Variants in PHKG1 observed in about 807,000 individuals in gnomAD.
PHKG1 encodes the protein phosphorylase kinase catalytic subunit gamma 1.
In PHKG1, 48 loss-of-function variants were observed where a neutral mutation model predicts 50.5. That is an observed-to-expected ratio of 0.95 (90% CI 0.75 to 1.21). The LOEUF (loss-of-function observed/expected upper bound fraction) is 1.21, where lower values mean the gene tolerates loss of function less well. Among genes scored for constraint, PHKG1 ranks in the 50% most tolerant of loss-of-function variants. The probability of loss-of-function intolerance (pLI) is 0.00; values close to 1 mark genes in which losing one functional copy is unlikely to be tolerated. For missense variants in PHKG1, 487 were observed against 519.5 expected (o/e 0.94, Z 0.61); for synonymous variants, 204 against 212.8 (o/e 0.96, Z 0.36).
rs777027596 is a variant in PHKG1 at position 56,081,714 on chromosome 7, T to C, written c.834A>G (p.Thr278=). The C allele has an allele frequency of 6.2e-7, 1 of 1,613,874 alleles. No homozygotes were observed. The highest frequency in any genetic ancestry group is 8.5e-7 in the Non-Finnish European group (1 of 1,179,918). The change falls in exon 9 of 10, where the codon ACA becomes ACG. Residue 278 remains threonine, a synonymous_variant. Transcript: ENST00000297373. The surrounding 1 kb of genome is among the most constrained non-coding windows in gnomAD (Gnocchi z 4.6). ...FLVVQPQNRY[T]AEEALAHPFF... The stretch of plus-strand genomic sequence containing the variant: ...AGGGGTGTGCCAAGGCCTCTTCCGC[T>C]GTGTAGCGGTTCTGGGGTTGCACCA...
At chr7:56,082,380 G>A (rs1302322454) in intron 6 of PHKG1, 127 bp from the exon 7 acceptor site, 2 of 664,636 alleles carry the variant, frequency 3.0e-6, no homozygotes, top group Non-Finnish European at 5.1e-6. Flanking sequence ...CTCATCTGAG[G>A]CCAGGAGTTC....
Position 56,081,293 on chromosome 7 carries a change from C to A in PHKG1, c.925G>T (p.Ala309Ser), listed in dbSNP as rs148231327. The change falls in exon 10 of 10, where the codon GCT becomes TCT. Residue 309 changes from alanine (A) to serine (S), a missense_variant. By Grantham distance (99) the Ala-to-Ser change is moderately conservative. Coordinates refer to ENST00000297373, the MANE Select transcript of PHKG1 (RefSeq NM_006213.5). This position sits in a 1 kb window ranked among gnomAD's most constrained non-coding sequence, Gnocchi z 4.6. ...CGCACTGAAGCCAGCACGGTCAGAG[C>A]GATCACCTGCAGGGCCAGGCGGAGA... is the stretch of plus-strand genomic sequence containing the variant. ...FSPRGKFKVI[A>S]LTVLASVRIY... 1.2e-6 allele frequency: 2 copies of A among 1,607,982 alleles called. No homozygotes were observed. Among genetic ancestry groups the A allele is most frequent in the Non-Finnish European group, 1.7e-6 (2 of 1,179,456 alleles).
chr7:56,087,841 G>A, intron 2 of PHKG1, 65 bp from the exon 3 acceptor site: 1 of 1,326,868 alleles, frequency 7.5e-7, no homozygotes, highest in South Asian at 1.2e-5. Flanking sequence ...CCAGATTAGA[G>A]GCTGCAGCAG....
intron 1 of PHKG1, among the ~76,000 whole-genome samples, chr7:56,091,611 C>T (rs978048975): frequency 6.6e-6 from 1 of 152,176 alleles, no homozygotes; most frequent in Non-Finnish European, 1.5e-5. Context: ...ATAGGCCCAA[C>T]CTGCCACTCA....
Position 56,080,903 on chromosome 7 carries a change from G to C in PHKG1, c.*151C>G. On this transcript the variant is annotated 3_prime_UTR_variant, in exon 10 of 10. Coordinates refer to ENST00000297373, the MANE Select transcript of PHKG1 (RefSeq NM_006213.5). ...CCCACTTCCCTTGTGCACAGCCTTT[G>C]AGAGGGGATCGTGGCCTCAGTTCCA... 1 of 863,384 alleles carries C rather than the reference G, an allele frequency of 1.2e-6. No homozygotes were observed. Among genetic ancestry groups the C allele is most frequent in the East Asian group, 2.7e-5 (1 of 37,608 alleles). The allele number at this position is 863,384 out of a possible 1,614,324, so 53.5% of individuals were successfully genotyped here. A position where few individuals can be genotyped will look rare whatever the true frequency, so the allele number is the denominator to read the frequency against.
chr7:56,087,224 ATT>A (rs1796294455), intron 3 of PHKG1, among the ~76,000 whole-genome samples, 200 bp from the exon 4 acceptor site: 1 of 147,708 alleles, frequency 6.8e-6, no homozygotes, highest in Admixed American at 6.8e-5. Flanking sequence ...TATTATTATT[ATT>A]ATTATTATTA....
chr7:56,087,266 G>C (rs1261754650), intron 3 of PHKG1, among the ~76,000 whole-genome samples: 1 of 150,552 alleles, frequency 6.6e-6, no homozygotes, highest in Non-Finnish European at 1.5e-5. Flanking sequence ...GTCTCACCCA[G>C]GCTGGAGTGT....
rs1206377809 is a variant in PHKG1, at chr7:56,082,022, G to T, written c.663C>A (p.Tyr221Ter). ...VDMWSTGVIMYTLLAGSPPFW... is the reference protein window; with the variant it reads ...VDMWSTGVIM ...AGGGCGGGGAGCCGGCCAGCAGCGT[G>T]TACATGATGACGCCAGTGCTCCACC... The change falls in exon 8 of 10, where the codon TAC (tyrosine) becomes TAA (stop). Residue 221 changes from tyrosine to a stop codon, truncating the protein, a stop_gained. Coordinates refer to ENST00000297373, the MANE Select transcript of PHKG1 (RefSeq NM_006213.5). LOFTEE classifies it high-confidence loss of function. 1 of 1,613,774 alleles carries T rather than the reference G, an allele frequency of 6.2e-7. No individual in the cohort carries two copies. The highest frequency in any genetic ancestry group is 8.5e-7 in the Non-Finnish European group (1 of 1,179,794).
Position 56,081,905 on chromosome 7 carries a change from G to A in PHKG1, c.780C>T (p.Thr260=), listed in dbSNP as rs1317783666. 1.2e-6 allele frequency: 2 copies of A among 1,613,454 alleles called. No homozygotes were observed. Among genetic ancestry groups the A allele is most frequent in the South Asian group, 1.1e-5 (1 of 91,050 alleles). Residue 260 remains threonine, a synonymous_variant, in exon 8 of 10, where the codon ACC becomes ACT. Transcript: ENST00000297373. This position sits in a 1 kb window ranked among gnomAD's most constrained non-coding sequence, Gnocchi z 4.6. ...CCTGGCCTCTCACCAGGTCCTTCAC[G>A]GTGTCCGAGTAATCATCCCACTCGG... The part of the protein sequence containing the change: ...GSPEWDDYSD[T]VKDLVSRFLV...
intron 4 of PHKG1, 143 bp from the exon 5 acceptor site, chr7:56,083,858 G>T: frequency 1.5e-6 from 1 of 668,540 alleles, no homozygotes. Context: ...CTGGGGAGAG[G>T]AGCCGGGGAA....
In PHKG1 at chr7:56,083,689, T is replaced by C. The variant is rs769138362; in HGVS notation, c.344A>G (p.Tyr115Cys). ...ACTCAAGGTGACCTTCTCAGTGAGG[T>C]AGTCAAAGAGCTCCCCTCTCTTCAT... ...DLMKRGELFD[Y>C]LTEKVTLSEK... The change falls in exon 5 of 10, where the codon TAC (tyrosine) becomes TGC (cysteine). Residue 115 changes from tyrosine (Y) to cysteine (C), a missense_variant. Coordinates refer to ENST00000297373, the MANE Select transcript of PHKG1 (RefSeq NM_006213.5). 5.0e-6 allele frequency: 8 copies of C among 1,584,322 alleles called. No individual in the cohort carries two copies. The highest frequency in any genetic ancestry group is 3.5e-5 in the Admixed American group (2 of 56,738).
In PHKG1 at chr7:56,082,784, T is replaced by C. The variant is rs564178560; in HGVS notation, c.547+494A>G. On this transcript the variant is annotated intron_variant, in intron 6 of 9. Coordinates refer to ENST00000297373, the MANE Select transcript of PHKG1 (RefSeq NM_006213.5). ...CCATCCTGGCCTGGAACAAGGGTAA[T>C]GGGAACCTGGGAGAGGACTTACCTG... 1.2e-4 allele frequency among the ~76,000 whole-genome samples: 19 copies of C among 152,046 alleles called. 2 individuals carry two copies. The South Asian group carries it at 2.7e-3, about 22-fold the overall frequency.
Position 56,081,061 on chromosome 7 carries a change from T to C in PHKG1, c.1157A>G (p.Asp386Gly). 1 of 1,612,194 alleles carries C rather than the reference T, an allele frequency of 6.2e-7. No homozygotes were observed. The highest frequency in any genetic ancestry group is 8.5e-7 in the Non-Finnish European group (1 of 1,179,834). The change falls in exon 10 of 10, where the codon GAC becomes GGC. Residue 386 changes from aspartate to glycine, a missense_variant. Coordinates refer to ENST00000297373, the MANE Select transcript of PHKG1 (RefSeq NM_006213.5). This position sits in a 1 kb window ranked among gnomAD's most constrained non-coding sequence, Gnocchi z 4.6. ...KAVLLSLAEEDY is the reference protein window; with the variant it reads ...KAVLLSLAEEGY The stretch of plus-strand genomic sequence containing the variant: ...CCCTGACTGGCCAGCCCCTCAGTAG[T>C]CCTCCTCGGCCAGGGAGAGGAGCAC...
chr7:56,088,888 C>A lies in PHKG1; in HGVS notation c.54G>T (p.Glu18Asp), dbSNP rs1041542802. Residue 18 changes from glutamate (E) to aspartate (D), a missense_variant, in exon 2 of 10, where the codon GAG becomes GAT. Glu to Asp is a conservative substitution (Grantham distance 45). Coordinates refer to ENST00000297373, the MANE Select transcript of PHKG1 (RefSeq NM_006213.5). Reference sequence around the variant, plus strand: ...CCAGGATCTCTTTGGGCTCATAATTCTCATAGAAGTCCTGTGCAGAATGAG... The same window carrying A: ...CCAGGATCTCTTTGGGCTCATAATTATCATAGAAGTCCTGTGCAGAATGAG... Reference protein sequence around the residue: ...PDSHSAQDFYENYEPKEILGR... With the variant: ...PDSHSAQDFYDNYEPKEILGR... 1.2e-6 allele frequency: 2 copies of A among 1,613,718 alleles called. No homozygotes were observed. The highest frequency in any genetic ancestry group is 2.2e-5 in the East Asian group (1 of 44,864).
intron 2 of PHKG1, among the ~76,000 whole-genome samples, chr7:56,088,245 G>A (rs541579433): frequency 3.6e-4 from 54 of 151,956 alleles, no homozygotes; most frequent in African/African-American, 1.3e-3. Flanking sequence ...ATGTTGGCCA[G>A]GCTGGTCTCA....
chr7:56,083,761 A>G (rs775480535), intron 4 of PHKG1, 46 bp from the exon 5 acceptor site: 3 of 1,308,754 alleles, frequency 2.3e-6, no homozygotes, highest in South Asian at 1.3e-5. Context: ...CAAGACCACC[A>G]CTGCCCTTAC....
chr7:56,090,470 T>C (rs548779563), intron 1 of PHKG1, among the ~76,000 whole-genome samples: 1 of 152,264 alleles, frequency 6.6e-6, no homozygotes, highest in African/African-American at 2.4e-5. Flanking sequence ...CACTCACTCA[T>C]TCATTACATC....
chr7:56,081,989 G>A lies in PHKG1; in HGVS notation c.696C>T (p.His232=). Residue 232 remains histidine, a synonymous_variant, in exon 8 of 10, where the codon CAC becomes CAT. Transcript: ENST00000297373. The surrounding 1 kb of genome is among the most constrained non-coding windows in gnomAD (Gnocchi z 4.6). ...TLLAGSPPFW[H]RKQMLMLRMI... ...TCCTCAGCATCAGCATCTGCTTCCGGTGCCAGAAGGGCGGGGAGCCGGCCA... is the reference window on the plus strand; with the variant it reads ...TCCTCAGCATCAGCATCTGCTTCCGATGCCAGAAGGGCGGGGAGCCGGCCA... 6.2e-7 allele frequency: 1 copy of A among 1,613,930 alleles called. No homozygotes were observed. Among genetic ancestry groups the A allele is most frequent in the East Asian group, 2.2e-5 (1 of 44,870 alleles).
Position 56,080,567 on chromosome 7 carries a change from C to G in PHKG1, c.*487G>C, listed in dbSNP as rs1795920055. The G allele has an allele frequency of 5.9e-6, 1 of 170,896 alleles. No homozygotes were observed. Among genetic ancestry groups the G allele is most frequent in the African/African-American group, 2.4e-5 (1 of 41,676 alleles). 10.6% of individuals were successfully genotyped at this position (170,896 alleles called of 1,614,324 possible). The stretch of plus-strand genomic sequence containing the variant: ...GTGTGAGCCACCTCGCCTGGGCCCC[C>G]TTCTCCATATGCCTCCAAAAACATG... On this transcript the variant is annotated 3_prime_UTR_variant, in exon 10 of 10. Coordinates refer to ENST00000297373, the MANE Select transcript of PHKG1 (RefSeq NM_006213.5).
Sources: allele counts gnomAD v4.1 joint callset (sites outside exome capture counted in the v4.1 genomes callset), GRCh38; gene constraint gnomAD v4.1.1; non-coding constraint Gnocchi (gnomAD v3.1); transcripts MANE v1.5; gene names NCBI Gene and HGNC (gene_info 2026-07-23, HGNC 2026-07-21).